Variants in PRKRA observed in about 807,000 individuals in gnomAD.
PRKRA encodes the protein interferon-inducible double-stranded RNA-dependent protein kinase activator A.
In PRKRA, 22 loss-of-function variants were observed where a neutral mutation model predicts 32.4. That is an observed-to-expected ratio of 0.68 (90% CI 0.49 to 0.97). The LOEUF is 0.97. Ranked by LOEUF, PRKRA falls within the 50% of genes least tolerant of loss-of-function variation. The pLI is 0.00. For synonymous variants in PRKRA, 139 were observed against 129.8 expected (o/e 1.07, Z -0.48); for missense variants, 319 against 375.6 (o/e 0.85, Z 1.25).
rs1219240298 is a variant in PRKRA at position 178,449,025 on chromosome 2, C to T, written c.235+1217G>A. Reference sequence around the variant, plus strand: ...ACTGATACACTATTCTGTAACTGGGCTTGGGATGTAGACAGACATTTCAGA... The same window carrying T: ...ACTGATACACTATTCTGTAACTGGGTTTGGGATGTAGACAGACATTTCAGA... On this transcript the variant is annotated intron_variant, in intron 2 of 7. Coordinates refer to ENST00000325748, the MANE Select transcript of PRKRA (RefSeq NM_003690.5). Among the ~76,000 whole-genome samples the T allele has an allele frequency of 2.6e-5, 4 of 152,276 alleles. No individual in the cohort carries two copies. In the South Asian group the frequency reaches 6.2e-4, roughly 24 times the overall value.
chr2:178,435,045 C>T (rs774030592), intron 7 of PRKRA, among the ~76,000 whole-genome samples: 100 of 151,784 alleles, frequency 6.6e-4, no homozygotes, highest in Non-Finnish European at 1.2e-3. Context: ...GGTGAAACCC[C>T]GTCTCTACTA....
chr2:178,444,981 C>T (rs889279975), intron 3 of PRKRA, among the ~76,000 whole-genome samples: 3 of 152,222 alleles, frequency 2.0e-5, no homozygotes, highest in Admixed American at 1.3e-4. Flanking sequence ...ATACAAAAAA[C>T]AGAAGAGTAA....
At chr2:178,444,555 A>T in intron 3 of PRKRA, 55 bp from the exon 4 acceptor site, 1 of 1,043,902 alleles carries the variant, frequency 9.6e-7, no homozygotes, top group Non-Finnish European at 1.3e-6. Flanking sequence ...GAATTATGAA[A>T]TAAATGACAA....
chr2:178,447,619 C>A (rs759985181), intron 2 of PRKRA, 33 bp from the exon 3 acceptor site: 1 of 851,178 alleles, frequency 1.2e-6, no homozygotes, highest in Non-Finnish European at 1.7e-6. Flanking sequence ...AAGTCTTTAT[C>A]TCCCACAAAA....
At chr2:178,435,838 G>A (rs1696869273) in intron 7 of PRKRA, among the ~76,000 whole-genome samples, 1 of 152,204 alleles carries the variant, frequency 6.6e-6, no homozygotes, top group Non-Finnish European at 1.5e-5. Flanking sequence ...TTGCTTCATA[G>A]AGTTAGTCTG....
rs184633345 is a variant in PRKRA, at chr2:178,436,407, C to T, written c.610-88G>A. The T allele has an allele frequency of 2.0e-3, 2,171 of 1,110,526 alleles. 45 individuals are homozygous for T. The highest frequency in any genetic ancestry group is 0.018 in the South Asian group (1,454 of 79,508). 68.8% of individuals were successfully genotyped at this position (1,110,526 alleles called of 1,614,324 possible). A position where few individuals can be genotyped will look rare whatever the true frequency, so the allele number is the denominator to read the frequency against. On this transcript the variant is annotated intron_variant, in intron 6 of 7. Coordinates refer to ENST00000325748, the MANE Select transcript of PRKRA (RefSeq NM_003690.5). ...TATCATTAAAAGTACTTATTAAGCA[C>T]TCACATTTAATATGTTATAAAGCAT...
At chr2:178,447,341 A>G in intron 3 of PRKRA, 164 bp downstream of exon 3, 1 of 1,258,380 alleles carries the variant, frequency 7.9e-7, no homozygotes, top group African/African-American at 1.5e-5. Context: ...TTGATTGGAT[A>G]AAGTTTTCTT....
chr2:178,442,876 A>G (rs1697169180), intron 5 of PRKRA, among the ~76,000 whole-genome samples: 1 of 152,188 alleles, frequency 6.6e-6, no homozygotes, highest in African/African-American at 2.4e-5. Context: ...GTAGTCTCTT[A>G]TTAATCATAT....
At chr2:178,448,762 GGATT>G (rs1322154160) in intron 2 of PRKRA, among the ~76,000 whole-genome samples, 1 of 152,158 alleles carries the variant, frequency 6.6e-6, no homozygotes, top group Non-Finnish European at 1.5e-5. Flanking sequence ...GATAGTTAGT[GGATT>G]ATTAAACGCC....
chr2:178,438,236 C>T (rs944187047), intron 6 of PRKRA, among the ~76,000 whole-genome samples: 3 of 152,140 alleles, frequency 2.0e-5, no homozygotes, highest in African/African-American at 7.2e-5. Context: ...AATATTTATA[C>T]TGTTTCAAAT....
intron 6 of PRKRA, among the ~76,000 whole-genome samples, chr2:178,440,584 C>T (rs1253730035): frequency 6.6e-6 from 1 of 152,156 alleles, no homozygotes; most frequent in Non-Finnish European, 1.5e-5. Flanking sequence ...AATTTCCTCC[C>T]TTTCCCTTGC....
rs768046590 is a variant in PRKRA at position 178,432,072 on chromosome 2, A to G, written c.*25T>C. On this transcript the variant is annotated 3_prime_UTR_variant, in exon 8 of 8. Coordinates refer to ENST00000325748, the MANE Select transcript of PRKRA (RefSeq NM_003690.5). The stretch of plus-strand genomic sequence containing the variant: ...GAGGGGAACTTTTTATGTGCTACTG[A>G]AAGATTTTTTAAGTTGCTCCAGATT... 4 of 1,613,576 alleles carry G rather than the reference A, an allele frequency of 2.5e-6. No individual in the cohort carries two copies. The South Asian group carries it at 3.3e-5, about 13-fold the overall frequency.
intron 1 of PRKRA, 195 bp downstream of exon 1, chr2:178,450,771 C>A: frequency 1.5e-6 from 2 of 1,348,968 alleles, no homozygotes; most frequent in Non-Finnish European, 1.9e-6. Context: ...CCGCCAGGGA[C>A]CACGAGAGGG....
intron 3 of PRKRA, among the ~76,000 whole-genome samples, chr2:178,445,072 GAA>G (rs1297292709): frequency 6.6e-6 from 1 of 152,230 alleles, no homozygotes; most frequent in African/African-American, 2.4e-5. Context: ...ACAGAACTAT[GAA>G]GAGAGATCTG....
chr2:178,450,308 A>C lies in PRKRA; in HGVS notation c.169T>G (p.Ser57Ala). 1 of 1,614,238 alleles carries C rather than the reference A, an allele frequency of 6.2e-7. No individual in the cohort carries two copies. The highest frequency in any genetic ancestry group is 8.5e-7 in the Non-Finnish European group (1 of 1,180,040). ...KNIPVYECER[S>A]DVQIHVPTFT... ...GTGGGCACGTGTATTTGCACATCAG[A>C]TCTTTCACATTCATAAACTGGGATG... The change falls in exon 2 of 8, where the codon TCT becomes GCT. Residue 57 changes from serine (S) to alanine (A), a missense_variant. Ser to Ala is a moderately conservative substitution (Grantham distance 99). Transcript: ENST00000325748.
At chr2:178,444,717 G>A (rs910921989) in intron 3 of PRKRA, among the ~76,000 whole-genome samples, 3 of 151,916 alleles carry the variant, frequency 2.0e-5, no homozygotes, top group Non-Finnish European at 2.9e-5. Context: ...TTTTACCCCA[G>A]TGGTTTATAA....
Position 178,431,947 on chromosome 2 carries a change from A to G in PRKRA, c.*150T>C. The stretch of plus-strand genomic sequence containing the variant: ...CATTAAAAAGAGCTTAATAACAACT[A>G]TGAGGAGATAATTAAATCTGGAGTG... On this transcript the variant is annotated 3_prime_UTR_variant, in exon 8 of 8. Transcript: ENST00000325748. 1 of 945,404 alleles carries G rather than the reference A, an allele frequency of 1.1e-6. No individual in the cohort carries two copies. Among genetic ancestry groups the G allele is most frequent in the Non-Finnish European group, 1.6e-6 (1 of 619,016 alleles). 58.6% of individuals were successfully genotyped at this position (945,404 alleles called of 1,614,324 possible).
Position 178,431,703 on chromosome 2 carries a change from C to CT in PRKRA, c.*393dup, listed in dbSNP as rs1402979554. On this transcript the variant is annotated 3_prime_UTR_variant, in exon 8 of 8. Transcript: ENST00000325748. ...CCTGTTAGTGCTGTCCCTCAAGACT[C>CT]TAATTCTAAAGGGCTTCCTTTGAAT... 2.0e-4 allele frequency: 54 copies of CT among 273,400 alleles called. 1 individual carries two copies. The East Asian group carries it at 2.5e-3, about 13-fold the overall frequency. 16.9% of individuals were successfully genotyped at this position (273,400 alleles called of 1,614,324 possible). A position where few individuals can be genotyped will look rare whatever the true frequency, so the allele number is the denominator to read the frequency against.
At chr2:178,449,112 G>T (rs2154125486) in intron 2 of PRKRA, among the ~76,000 whole-genome samples, 1 of 152,306 alleles carries the variant, frequency 6.6e-6, no homozygotes, top group Admixed American at 6.5e-5. Flanking sequence ...AGGAAGCCAT[G>T]GTAGTGTGAG....
Sources: allele counts gnomAD v4.1 joint callset (sites outside exome capture counted in the v4.1 genomes callset), GRCh38; gene constraint gnomAD v4.1.1; transcripts MANE v1.5; gene names NCBI Gene and HGNC (gene_info 2026-07-23, HGNC 2026-07-21).